Variants in RP1 observed in about 807,000 individuals in gnomAD.
RP1 encodes the protein oxygen-regulated protein 1.
Under a neutral mutation model 14.8 loss-of-function variants are expected in RP1, and 16 were observed. That is an observed-to-expected ratio of 1.08 (90% CI 0.73 to 1.65). The LOEUF (loss-of-function observed/expected upper bound fraction) is 1.65. Ranked by LOEUF, RP1 falls within the 40% of genes most tolerant of loss-of-function variation. The pLI is 0.00. For synonymous variants in RP1, 876 were observed against 883.6 expected, an observed-to-expected ratio of 0.99 and a Z score of 0.15; for missense variants, 2,631 against 2,535.0, an observed-to-expected ratio of 1.04 and a Z score of -0.81.
exon 24 of RP1, chr8:54,783,569 T>C: frequency 8.1e-7 from 1 of 1,231,628 alleles, no homozygotes; most frequent in Non-Finnish European, 1.0e-6. Flanking sequence ...AGGTGACCAT[T>C]GTCACTGGGG....
intron 1 of RP1, among the ~76,000 whole-genome samples, chr8:54,571,126 G>A (rs1027848931): frequency 2.7e-5 from 4 of 150,654 alleles, no homozygotes; most frequent in Non-Finnish European, 4.4e-5. Flanking sequence ...TGTGAGCTCT[G>A]CACTGGTCCT....
intron 7 of RP1, among the ~76,000 whole-genome samples, chr8:54,669,934 G>T (rs1385647982): frequency 6.6e-6 from 1 of 152,072 alleles, no homozygotes; most frequent in Non-Finnish European, 1.5e-5. Context: ...TGTAAATTAT[G>T]AGTTAATGAG....
intron 24 of RP1, among the ~76,000 whole-genome samples, chr8:54,823,127 G>A (rs940081852): frequency 2.0e-5 from 3 of 152,038 alleles, no homozygotes; most frequent in Admixed American, 6.6e-5. Context: ...CCCCTCAGCT[G>A]CAATGAAGAT....
At chr8:54,754,844 T>G in exon 20 of RP1, 3 of 1,528,966 alleles carry the variant, frequency 2.0e-6, no homozygotes, top group Non-Finnish European at 2.6e-6. Flanking sequence ...TCCTAGATTT[T>G]GCAGCAAACG....
exon 5 of RP1, chr8:54,652,783 A>G (rs757642713): frequency 1.4e-5 from 21 of 1,535,052 alleles, no homozygotes; most frequent in Non-Finnish European, 2.6e-6. Flanking sequence ...TTCATAGATA[A>G]CAGTTGGAGA....
At chr8:54,616,999 TTAAA>T (rs1192424922) in intron 1 of RP1, among the ~76,000 whole-genome samples, 1 of 152,206 alleles carries the variant, frequency 6.6e-6, no homozygotes, top group Non-Finnish European at 1.5e-5. Context: ...CTGCTTAATA[TTAAA>T]GAGCAATGAA....
At chr8:54,769,899 C>T in exon 23 of RP1, 1 of 742,158 alleles carries the variant, frequency 1.3e-6, no homozygotes, top group Admixed American at 3.0e-5. Context: ...CAGAACATCC[C>T]CTTTGATATT....
intron 23 of RP1, chr8:54,783,519 T>C (rs2129380778): frequency 8.4e-7 from 1 of 1,192,176 alleles, no homozygotes; most frequent in Non-Finnish European, 1.1e-6. Flanking sequence ...CCCTATACTT[T>C]TATATTGATC....
At chr8:54,559,711 A>G (rs538181224) in intron 1 of RP1, among the ~76,000 whole-genome samples, 1 of 152,344 alleles carries the variant, frequency 6.6e-6, no homozygotes, top group African/African-American at 2.4e-5. Flanking sequence ...GAACAGAACA[A>G]CAGCATGATC....
Position 54,630,315 on chromosome 8 carries a change from A to C in RP1, c.6433A>C (p.Thr2145Pro), listed in dbSNP as rs1220742964. The stretch of plus-strand genomic sequence containing the variant: ...GGAAGAGGAAGACATATTAAATTTA[A>C]CTGATCTTGAAAGCAGTAGAGAACA... The part of the protein sequence containing the change: ...IWEEEDILNL[T>P]DLESSREQED... Residue 2145 changes from threonine (T) to proline (P), a missense_variant, in exon 4 of 4, where the codon ACT (threonine) becomes CCT (proline). Thr to Pro is a conservative substitution (Grantham distance 38, BLOSUM62 -1). Coordinates refer to ENST00000220676, the MANE Select transcript of RP1 (RefSeq NM_006269.2). The C allele has an allele frequency of 1.2e-6, 2 of 1,613,638 alleles. No individual in the cohort carries two copies. The highest frequency in any genetic ancestry group is 2.2e-5 in the South Asian group (2 of 91,066).
chr8:54,598,985 A>C (rs1488787190), intron 1 of RP1, among the ~76,000 whole-genome samples: 1 of 152,116 alleles, frequency 6.6e-6, no homozygotes, highest in African/African-American at 2.4e-5. Context: ...GGGTTTGATC[A>C]GTTTCTTAAA....
intron 24 of RP1, among the ~76,000 whole-genome samples, chr8:54,790,360 C>A (rs1810433640): frequency 6.6e-6 from 1 of 152,120 alleles, no homozygotes; most frequent in Non-Finnish European, 1.5e-5. Flanking sequence ...CCAAAGTGAA[C>A]CTGTAAAGTC....
At chr8:54,798,554 G>A (rs1473978780) in intron 24 of RP1, among the ~76,000 whole-genome samples, 1 of 152,086 alleles carries the variant, frequency 6.6e-6, no homozygotes, top group Non-Finnish European at 1.5e-5. Context: ...TGTTGGTTAG[G>A]TTAATTAATA....
intron 1 of RP1, among the ~76,000 whole-genome samples, chr8:54,585,519 A>G (rs974178555): frequency 6.6e-6 from 1 of 151,964 alleles, no homozygotes; most frequent in Non-Finnish European, 1.5e-5. Flanking sequence ...CGTTCTCTGT[A>G]TTTCCTGAAT....
intron 23 of RP1, among the ~76,000 whole-genome samples, chr8:54,781,812 A>G (rs1439772545): frequency 6.6e-6 from 1 of 152,186 alleles, no homozygotes; most frequent in East Asian, 1.9e-4. Flanking sequence ...ACTGCAGATG[A>G]TGTTCATTAG....
At position 54,630,685 on chromosome 8, in the gene RP1, A is replaced by G; in HGVS notation, c.*332A>G. 3 of 1,104,828 alleles carry G rather than the reference A, an allele frequency of 2.7e-6. No homozygotes were observed. Among genetic ancestry groups the G allele is most frequent in the South Asian group, 2.5e-5 (1 of 39,492 alleles). 68.4% of individuals were successfully genotyped at this position (1,104,828 alleles called of 1,614,324 possible). A position where few individuals can be genotyped will look rare whatever the true frequency, so the allele number is the denominator to read the frequency against. ...ACAAGAATTATATCCTTTTTAAAAAATGTTGTTAGCTTGGTGTAAAATGTA... is the reference window on the plus strand; with the variant it reads ...ACAAGAATTATATCCTTTTTAAAAAGTGTTGTTAGCTTGGTGTAAAATGTA... On this transcript the variant is annotated 3_prime_UTR_variant, in exon 4 of 4. Transcript: ENST00000220676.
chr8:54,817,480 G>A (rs1016240598), intron 24 of RP1, among the ~76,000 whole-genome samples: 5 of 152,158 alleles, frequency 3.3e-5, no homozygotes. Context: ...GTTGGCAATG[G>A]TGACAAATGA....
intron 25 of RP1, among the ~76,000 whole-genome samples, chr8:54,851,206 T>C (rs1934378488): frequency 6.6e-6 from 1 of 152,220 alleles, no homozygotes; most frequent in African/African-American, 2.4e-5. Flanking sequence ...CATGATTTCA[T>C]TAGGGCCGTG....
At chr8:54,635,260 G>A (rs1806324587), downstream of RP1, among the ~76,000 whole-genome samples, 1 of 152,006 alleles carries the variant, frequency 6.6e-6, no homozygotes, top group African/African-American at 2.4e-5. Flanking sequence ...AAAAAACAAA[G>A]GTCAATGGAG....
Sources: allele counts gnomAD v4.1 joint callset (sites outside exome capture counted in the v4.1 genomes callset), GRCh38; gene constraint gnomAD v4.1.1; transcripts MANE v1.5; gene names NCBI Gene and HGNC (gene_info 2026-07-23, HGNC 2026-07-21).